The following AVEN variants were observed in gnomAD, a reference collection of about 807,000 sequenced individuals.
The protein encoded by AVEN is cell death regulator Aven.
Under a neutral mutation model 38.1 loss-of-function variants are expected in AVEN, and 41 were observed. The observed-to-expected ratio is 1.08, with a 90% CI of 0.84 to 1.40. The LOEUF (loss-of-function observed/expected upper bound fraction) is 1.40. Among genes scored for constraint, AVEN ranks in the 40% most tolerant of loss-of-function variants. The pLI, the probability that AVEN is intolerant of heterozygous loss-of-function variation, is 0.00. For missense variants in AVEN, 605 were observed against 438.8 expected (o/e 1.38, Z -3.38); for synonymous variants, 206 against 171.8 (o/e 1.20, Z -1.56).
intron 4 of AVEN, among the ~76,000 whole-genome samples, chr15:33,868,145 A>T (rs1567385143): frequency 2.6e-5 from 4 of 152,232 alleles, no homozygotes; most frequent in Non-Finnish European, 5.9e-5. Context: ...ATGTCTTCCT[A>T]GCCCTGGCCT....
intron 1 of AVEN, among the ~76,000 whole-genome samples, chr15:34,016,472 ACT>A (rs1159235646): frequency 1.3e-5 from 2 of 151,784 alleles, no homozygotes; most frequent in Non-Finnish European, 2.9e-5. Context: ...TGGCCACATG[ACT>A]CTTTTTTCTT....
intron 2 of AVEN, among the ~76,000 whole-genome samples, chr15:33,952,644 T>C (rs1023448647): frequency 6.6e-6 from 1 of 152,150 alleles, no homozygotes. Flanking sequence ...GCATTTTTTG[T>C]AATAACTACA....
intron 1 of AVEN, among the ~76,000 whole-genome samples, chr15:34,020,590 C>T (rs1285103200): frequency 6.6e-6 from 1 of 152,214 alleles, no homozygotes; most frequent in Non-Finnish European, 1.5e-5. Context: ...GATTTCAATT[C>T]TCACTGCACT....
At chr15:33,955,802 A>G (rs1480605894) in intron 2 of AVEN, among the ~76,000 whole-genome samples, 2 of 152,226 alleles carry the variant, frequency 1.3e-5, no homozygotes, top group Non-Finnish European at 2.9e-5. Context: ...ATGACTGCAC[A>G]TTTTTGTCCT....
chr15:33,868,014 C>A (rs942974891), intron 4 of AVEN, among the ~76,000 whole-genome samples, 159 bp from the exon 5 acceptor site: 9 of 152,202 alleles, frequency 5.9e-5, no homozygotes, highest in African/African-American at 2.2e-4. Flanking sequence ...CTGGTGGGGG[C>A]ACCCTTCCTG....
chr15:34,044,825 A>G (rs1026134663), intron 5 of AVEN, among the ~76,000 whole-genome samples: 11 of 152,050 alleles, frequency 7.2e-5, no homozygotes, highest in Non-Finnish European at 1.5e-4. Context: ...CCGAGGCGGG[A>G]GGATCATGAG....
intron 2 of AVEN, among the ~76,000 whole-genome samples, chr15:33,912,021 C>T (rs895227101): frequency 6.6e-6 from 1 of 152,160 alleles, no homozygotes; most frequent in Non-Finnish European, 1.5e-5. Flanking sequence ...TCTATATATT[C>T]CCTGCATGAT....
chr15:34,009,016 A>G (rs558124488), intron 1 of AVEN, among the ~76,000 whole-genome samples: 1 of 152,006 alleles, frequency 6.6e-6, no homozygotes, highest in Non-Finnish European at 1.5e-5. Context: ...AAAAGGAAAA[A>G]CCAACTCATC....
downstream of AVEN, chr15:33,853,789 C>A: frequency 3.5e-6 from 5 of 1,429,828 alleles, 1 homozygote; most frequent in South Asian, 5.7e-5. Flanking sequence ...AGGCTGTGGT[C>A]TGGCTTAGGT....
chr15:33,928,150 T>C (rs1567417814), intron 2 of AVEN, among the ~76,000 whole-genome samples: 1 of 152,236 alleles, frequency 6.6e-6, no homozygotes. Context: ...TGGAAGTCTC[T>C]CTGTTGAGTA....
intron 2 of AVEN, among the ~76,000 whole-genome samples, chr15:34,069,511 G>T (rs1900588489): frequency 6.6e-6 from 1 of 152,168 alleles, no homozygotes. Flanking sequence ...TTCCTTATTA[G>T]ATTCCATTTA....
chr15:33,923,083 T>C (rs1004783155), intron 2 of AVEN, among the ~76,000 whole-genome samples: 1 of 152,198 alleles, frequency 6.6e-6, no homozygotes, highest in East Asian at 1.9e-4. Flanking sequence ...ATTCATACTA[T>C]AATTAGAAAG....
chr15:33,923,137 A>AAGAG (rs35962409), intron 2 of AVEN, among the ~76,000 whole-genome samples: 43 of 150,924 alleles, frequency 2.8e-4, no homozygotes, highest in Admixed American at 4.6e-4. Context: ...AGGATAAGCT[A>AAGAG]AGAGAGAGAG....
intron 2 of AVEN, among the ~76,000 whole-genome samples, chr15:33,926,647 C>A (rs1339600975): frequency 6.6e-6 from 1 of 151,998 alleles, no homozygotes; most frequent in African/African-American, 2.4e-5. Context: ...CCTGTCTCTA[C>A]AAAAAAACTT....
intron 2 of AVEN, among the ~76,000 whole-genome samples, chr15:33,892,068 G>C (rs1022641629): frequency 2.6e-5 from 4 of 152,172 alleles, no homozygotes; most frequent in African/African-American, 9.7e-5. Flanking sequence ...CCCACTTTTT[G>C]ATGGGGTTGT....
intron 1 of AVEN, among the ~76,000 whole-genome samples, chr15:34,012,926 CA>C (rs1157837815): frequency 1.3e-5 from 2 of 152,120 alleles, no homozygotes; most frequent in African/African-American, 4.8e-5. Flanking sequence ...CACAAATTTC[CA>C]ATTTCTTAAT....
chr15:34,010,975 T>C (rs887326755), intron 1 of AVEN, among the ~76,000 whole-genome samples: 6 of 152,288 alleles, frequency 3.9e-5, no homozygotes, highest in African/African-American at 1.4e-4. Context: ...TTTTTAACAA[T>C]AGAAAAACTC....
At chr15:33,890,136 T>C (rs1891875152) in intron 2 of AVEN, among the ~76,000 whole-genome samples, 1 of 152,222 alleles carries the variant, frequency 6.6e-6, no homozygotes, top group Non-Finnish European at 1.5e-5. Context: ...GTTTTCTGGT[T>C]TTTTTACTTC....
chr15:33,859,446 C>G, intron 11 of AVEN: 1 of 909,982 alleles, frequency 1.1e-6, no homozygotes. Flanking sequence ...AATACTGGCA[C>G]CTCTGAAGAG....
Sources: gnomAD v4.1 joint callset for allele counts (sites outside exome capture counted in the v4.1 genomes callset) on GRCh38, gnomAD v4.1.1 for gene constraint, MANE v1.5 for transcripts, NCBI Gene and HGNC (gene_info 2026-07-23, HGNC 2026-07-21) for gene names.